Variants in TMEM245 observed in about 807,000 individuals in gnomAD.
TMEM245 encodes the protein protein CG-2.
Under a neutral mutation model 101.2 loss-of-function variants are expected in TMEM245, and 69 were observed. The observed-to-expected ratio is 0.68, with a 90% CI of 0.56 to 0.83. The LOEUF (loss-of-function observed/expected upper bound fraction) is 0.83, where lower values mean the gene tolerates loss of function less well. Ranked by LOEUF, TMEM245 falls within the 40% of genes least tolerant of loss-of-function variation. The pLI is 0.00. For synonymous variants in TMEM245, 537 were observed against 449.8 expected, an observed-to-expected ratio of 1.19 and a Z score of -2.45; for missense variants, 1,075 against 1,092.8, an observed-to-expected ratio of 0.98 and a Z score of 0.23.
intron 1 of TMEM245, among the ~76,000 whole-genome samples, chr9:109,112,566 T>C (rs1830595475): frequency 6.6e-6 from 1 of 150,436 alleles, no homozygotes; most frequent in Admixed American, 6.6e-5. Context: ...GAAAGACGTA[T>C]ATCTCTAAGT....
chr9:109,034,949 G>C (rs931586161), intron 16 of TMEM245, among the ~76,000 whole-genome samples: 13 of 152,014 alleles, frequency 8.6e-5, no homozygotes, highest in South Asian at 4.2e-4. Flanking sequence ...TTGAGGTCAG[G>C]AGTTCAAGAT....
At chr9:109,115,284 C>G (rs553990208) in intron 1 of TMEM245, among the ~76,000 whole-genome samples, 1 of 152,070 alleles carries the variant, frequency 6.6e-6, no homozygotes, top group South Asian at 2.1e-4. Context: ...GCAGAGCTTG[C>G]AGTGAGCTGA....
chr9:109,083,901 CAAAAAAAAAAAAAAAAAA>C (rs751739620), intron 7 of TMEM245, among the ~76,000 whole-genome samples: 1 of 34,468 alleles, frequency 2.9e-5, no homozygotes, highest in Non-Finnish European at 5.0e-5. Flanking sequence ...ACTAAAAATA[CAAAAAAAAAAAAAAAAAA>C]AAAAAAAAAA....
chr9:109,050,233 T>C (rs760750942), intron 14 of TMEM245, 50 bp downstream of exon 14: 24 of 1,604,518 alleles, frequency 1.5e-5, no homozygotes, highest in South Asian at 2.2e-5. Flanking sequence ...AGGCTTATCA[T>C]GGAAAAAAAG....
intron 3 of TMEM245, among the ~76,000 whole-genome samples, chr9:109,093,793 T>A (rs1830069732): frequency 1.3e-5 from 2 of 152,228 alleles, no homozygotes; most frequent in African/African-American, 4.8e-5. Context: ...ACTCTCTGTA[T>A]ACCTTCCTCC....
At chr9:109,053,036 T>C (rs1371645665) in intron 12 of TMEM245, among the ~76,000 whole-genome samples, 1 of 152,212 alleles carries the variant, frequency 6.6e-6, no homozygotes, top group African/African-American at 2.4e-5. Context: ...GTTTAATTTA[T>C]ATGTCAGGCT....
At chr9:109,107,035 T>C (rs1225231469) in intron 2 of TMEM245, among the ~76,000 whole-genome samples, 2 of 152,166 alleles carry the variant, frequency 1.3e-5, no homozygotes, top group Non-Finnish European at 1.5e-5. Flanking sequence ...AGAAAGAGAA[T>C]GGCCCAAAAG....
At chr9:109,042,779 T>C (rs1264891542) in intron 14 of TMEM245, among the ~76,000 whole-genome samples, 2 of 151,542 alleles carry the variant, frequency 1.3e-5, no homozygotes, top group African/African-American at 2.4e-5. Flanking sequence ...CTCCCTCTTA[T>C]AAGAACTTTT....
chr9:109,074,785 C>T (rs12342693), intron 8 of TMEM245, among the ~76,000 whole-genome samples: 8,296 of 152,190 alleles, frequency 0.055, 360 homozygotes, highest in East Asian at 0.12. Context: ...CCACCTAAGC[C>T]ATCAAGTGAT....
chr9:109,030,399 CAA>C (rs1327444435), intron 17 of TMEM245, among the ~76,000 whole-genome samples: 4 of 152,110 alleles, frequency 2.6e-5, no homozygotes, highest in Non-Finnish European at 5.9e-5. Flanking sequence ...TTTAGAAGGA[CAA>C]AGAGTTAAAA....
chr9:109,018,727 TA>T lies in TMEM245; in HGVS notation c.*1732del, dbSNP rs1827524999. The T allele has an allele frequency of 6.6e-6, 1 of 151,350 alleles. No homozygotes were observed. The highest frequency in any genetic ancestry group is 1.5e-5 in the Non-Finnish European group (1 of 67,878). 9.4% of individuals were successfully genotyped at this position (151,350 alleles called of 1,614,324 possible). A position where few individuals can be genotyped will look rare whatever the true frequency, so the allele number is the denominator to read the frequency against. Reference sequence around the variant, plus strand: ...AAGGAAATCTTCAACGCTTAAGAACTACCCCCCAACACTTTTTTTTTTCCTT... The same window carrying T: ...AAGGAAATCTTCAACGCTTAAGAACTCCCCCCAACACTTTTTTTTTTCCTT... On this transcript the variant is annotated 3_prime_UTR_variant, in exon 18 of 18. Coordinates refer to ENST00000374586, the MANE Select transcript of TMEM245 (RefSeq NM_032012.4).
intron 7 of TMEM245, among the ~76,000 whole-genome samples, chr9:109,084,276 T>C (rs972806706): frequency 1.8e-4 from 28 of 152,132 alleles, no homozygotes; most frequent in African/African-American, 6.5e-4. Context: ...TGTAATAAAA[T>C]AGTTCTCAAC....
chr9:109,095,144 G>A (rs896306950), intron 3 of TMEM245, among the ~76,000 whole-genome samples: 1 of 152,118 alleles, frequency 6.6e-6, no homozygotes, highest in African/African-American at 2.4e-5. Flanking sequence ...TCAAACTCAT[G>A]GTCTGAGAGG....
chr9:109,115,133 G>A (rs1830680567), intron 1 of TMEM245, among the ~76,000 whole-genome samples: 1 of 152,152 alleles, frequency 6.6e-6, no homozygotes, highest in South Asian at 2.1e-4. Context: ...GATCACCTGA[G>A]GTCAGGAGTT....
At chr9:109,039,167 T>C (rs1172348054) in intron 14 of TMEM245, 1 of 152,136 alleles carries the variant, frequency 6.6e-6, no homozygotes, top group African/African-American at 2.4e-5. Flanking sequence ...GATTTAGTCA[T>C]TTAGTAGTGT....
At chr9:109,055,956 G>A (rs1828821890) in intron 12 of TMEM245, among the ~76,000 whole-genome samples, 3 of 152,150 alleles carry the variant, frequency 2.0e-5, no homozygotes, top group African/African-American at 7.2e-5. Context: ...TCAAAGGCAA[G>A]TTGAAGCTAT....
intron 1 of TMEM245, among the ~76,000 whole-genome samples, chr9:109,119,099 T>C (rs1830815587): frequency 6.6e-6 from 1 of 152,176 alleles, no homozygotes; most frequent in East Asian, 1.9e-4. Context: ...TAAGAGGGCC[T>C]ATTAGGATTG....
intron 16 of TMEM245, among the ~76,000 whole-genome samples, chr9:109,035,471 A>G (rs891499528): frequency 6.6e-6 from 1 of 152,206 alleles, no homozygotes; most frequent in African/African-American, 2.4e-5. Flanking sequence ...ATTCTGACTT[A>G]GATTTAACCT....
At chr9:109,053,040 T>A (rs1393621865) in intron 12 of TMEM245, among the ~76,000 whole-genome samples, 1 of 152,208 alleles carries the variant, frequency 6.6e-6, no homozygotes, top group Non-Finnish European at 1.5e-5. Flanking sequence ...AATTTATATG[T>A]CAGGCTTAAA....
Sources: gnomAD v4.1 joint callset for allele counts (sites outside exome capture counted in the v4.1 genomes callset) on GRCh38, gnomAD v4.1.1 for gene constraint, MANE v1.5 for transcripts, NCBI Gene and HGNC (gene_info 2026-07-23, HGNC 2026-07-21) for gene names.